AGBL4: variants seen among roughly 807,000 people sequenced by gnomAD.
AGBL4 encodes the protein cytosolic carboxypeptidase 6.
A neutral mutation model predicts 66.4 loss-of-function variants in AGBL4; 58 were observed. The ratio of observed to expected loss-of-function variants is 0.87; its 90% confidence interval spans 0.71 to 1.09. The LOEUF is 1.09. AGBL4 is among the 50% of genes least tolerant of loss of function. The pLI, the probability that AGBL4 is intolerant of heterozygous loss-of-function variation, is 0.00. For missense variants in AGBL4, 579 were observed against 631.0 expected, an observed-to-expected ratio of 0.92 and a Z score of 0.88; for synonymous variants, 234 against 222.9, an observed-to-expected ratio of 1.05 and a Z score of -0.44.
intron 3 of AGBL4, among the ~76,000 whole-genome samples, chr1:49,656,742 C>A (rs887459863): frequency 6.6e-6 from 1 of 152,082 alleles, no homozygotes; most frequent in African/African-American, 2.4e-5. Flanking sequence ...ATAAACAGAA[C>A]CAAAGACAAA....
chr1:49,541,439 T>C (rs920088202), intron 3 of AGBL4, among the ~76,000 whole-genome samples: 1 of 152,134 alleles, frequency 6.6e-6, no homozygotes, highest in African/African-American at 2.4e-5. Flanking sequence ...AGTCAGCAGG[T>C]GCTGCCAGCC....
intron 6 of AGBL4, among the ~76,000 whole-genome samples, chr1:48,777,882 T>A (rs1645172737): frequency 6.6e-6 from 1 of 152,082 alleles, no homozygotes; most frequent in South Asian, 2.1e-4. Context: ...GGAATAGCGG[T>A]CTTTGCTCTG....
intron 3 of AGBL4, among the ~76,000 whole-genome samples, chr1:49,372,613 TTC>T (rs1211615397): frequency 2.0e-3 from 45 of 22,950 alleles, no homozygotes; most frequent in African/African-American, 7.6e-3. Context: ...TTCTTTTTCT[TTC>T]TTTCTTTCTT....
chr1:49,573,385 T>C (rs1359289894), intron 3 of AGBL4, among the ~76,000 whole-genome samples: 2 of 152,130 alleles, frequency 1.3e-5, no homozygotes, highest in African/African-American at 4.8e-5. Context: ...CTGATAGTCC[T>C]TGACATGAAC....
chr1:49,145,220 T>G (rs188167671), intron 4 of AGBL4, among the ~76,000 whole-genome samples: 2 of 152,262 alleles, frequency 1.3e-5, no homozygotes, highest in African/African-American at 4.8e-5. Context: ...ATTTGTCTAA[T>G]CTCACATCAT....
chr1:49,134,107 G>A lies in AGBL4; in HGVS notation c.378-88307C>T, dbSNP rs532789895. Among the ~76,000 whole-genome samples, 240 of 152,072 alleles carry A rather than the reference G, an allele frequency of 1.6e-3. 4 individuals are homozygous for A. Among genetic ancestry groups the A allele is most frequent in the African/African-American group, 5.6e-3 (233 of 41,494 alleles). On this transcript the variant is annotated intron_variant, in intron 4 of 13. Coordinates refer to ENST00000371839, the MANE Select transcript of AGBL4 (RefSeq NM_032785.4). ...GTCGGCAGGTTCCATCATGTCCCCT[G>A]AGCCGTAAAACCAATAAGTTTTTAT...
intron 7 of AGBL4, among the ~76,000 whole-genome samples, chr1:48,661,665 C>T (rs1407988474): frequency 1.3e-5 from 2 of 152,192 alleles, no homozygotes; most frequent in East Asian, 3.9e-4. Flanking sequence ...TCCTCTCTGC[C>T]TCAGTCGTTA....
chr1:49,621,081 C>A (rs185006536), intron 3 of AGBL4, among the ~76,000 whole-genome samples: 51 of 152,280 alleles, frequency 3.3e-4, no homozygotes, highest in African/African-American at 1.2e-3. Context: ...GCACCCCATG[C>A]CACGCCAGAA....
chr1:49,612,915 A>G lies in AGBL4; in HGVS notation c.282+84398T>C, dbSNP rs543682531. Among the ~76,000 whole-genome samples, 79 of 152,340 alleles carry G rather than the reference A, an allele frequency of 5.2e-4. 3 individuals are homozygous for G. The highest frequency in any genetic ancestry group is 1.2e-3 in the Admixed American group (18 of 15,310). On this transcript the variant is annotated intron_variant, in intron 3 of 13. Coordinates refer to ENST00000371839, the MANE Select transcript of AGBL4 (RefSeq NM_032785.4). ...CAAAGGAAAATGAATCCTTCTACCA[A>G]AAATACACATGCACCTTTATGGGCA... is the stretch of plus-strand genomic sequence containing the variant.
At chr1:49,557,828 C>G (rs1643940970) in intron 3 of AGBL4, among the ~76,000 whole-genome samples, 1 of 151,900 alleles carries the variant, frequency 6.6e-6, no homozygotes, top group African/African-American at 2.4e-5. Flanking sequence ...GCTATCACCC[C>G]TCCCCTAACC....
At chr1:49,174,629 A>G (rs145246080) in intron 4 of AGBL4, among the ~76,000 whole-genome samples, 58 of 152,230 alleles carry the variant, frequency 3.8e-4, no homozygotes, top group African/African-American at 1.3e-3. Flanking sequence ...ATGTTGTTCA[A>G]TCTATAGGAG....
intron 1 of AGBL4, among the ~76,000 whole-genome samples, chr1:49,931,203 ACTATCT>A (rs1367786438): frequency 1.3e-5 from 2 of 152,202 alleles, no homozygotes; most frequent in Non-Finnish European, 2.9e-5. Context: ...AAAGACATAC[ACTATCT>A]CTATATTATA....
At chr1:49,142,644 G>A (rs1646141551) in intron 4 of AGBL4, among the ~76,000 whole-genome samples, 1 of 151,906 alleles carries the variant, frequency 6.6e-6, no homozygotes, top group South Asian at 2.1e-4. Context: ...TAGTGTTAGG[G>A]CCATGACATT....
At chr1:48,979,159 C>G (rs1659559074) in intron 5 of AGBL4, among the ~76,000 whole-genome samples, 2 of 152,174 alleles carry the variant, frequency 1.3e-5, no homozygotes, top group South Asian at 4.1e-4. Context: ...ATAGTCCACA[C>G]TTTCTGTGTG....
chr1:48,592,214 A>T (rs913053135), intron 9 of AGBL4, among the ~76,000 whole-genome samples: 1 of 152,240 alleles, frequency 6.6e-6, no homozygotes, highest in Non-Finnish European at 1.5e-5. Flanking sequence ...ACTTATTGTC[A>T]TCAATGGCCA....
chr1:48,753,941 C>G (rs2148639668), intron 6 of AGBL4, among the ~76,000 whole-genome samples: 1 of 152,288 alleles, frequency 6.6e-6, no homozygotes, highest in South Asian at 2.1e-4. Flanking sequence ...GCAATTAGAG[C>G]ACTGATTTTA....
chr1:48,787,478 CT>C (rs1645436316), intron 6 of AGBL4, among the ~76,000 whole-genome samples: 1 of 152,116 alleles, frequency 6.6e-6, no homozygotes, highest in Non-Finnish European at 1.5e-5. Flanking sequence ...ACACAAATTT[CT>C]TTATTTAGTA....
chr1:49,205,134 T>C (rs1648031714), intron 4 of AGBL4, among the ~76,000 whole-genome samples: 1 of 152,124 alleles, frequency 6.6e-6, no homozygotes, highest in Admixed American at 6.6e-5. Flanking sequence ...CTTATCTCCT[T>C]ATCAAACTAG....
intron 3 of AGBL4, among the ~76,000 whole-genome samples, chr1:49,577,499 A>T (rs1644460176): frequency 6.6e-6 from 1 of 152,196 alleles, no homozygotes; most frequent in Non-Finnish European, 1.5e-5. Context: ...CAGGTTGATT[A>T]TATTGGACCT....
Sources: allele counts gnomAD v4.1 joint callset (sites outside exome capture counted in the v4.1 genomes callset), GRCh38; gene constraint gnomAD v4.1.1; transcripts MANE v1.5; gene names NCBI Gene and HGNC (gene_info 2026-07-23, HGNC 2026-07-21).